ZNF558: variants seen among roughly 807,000 people sequenced by gnomAD.
The protein encoded by ZNF558 is zinc finger protein 558.
In ZNF558, 23 loss-of-function variants were observed where a neutral mutation model predicts 37.6. The ratio of observed to expected loss-of-function variants is 0.61; its 90% CI spans 0.44 to 0.87. The LOEUF (loss-of-function observed/expected upper bound fraction) is 0.87, where lower values mean the gene tolerates loss of function less well. Among genes scored for constraint, ZNF558 ranks in the 40% least tolerant of loss-of-function variants. The pLI is 0.00. For missense variants in ZNF558, 429 were observed against 483.7 expected, an observed-to-expected ratio of 0.89 and a Z score of 1.06; for synonymous variants, 189 against 174.4, an observed-to-expected ratio of 1.08 and a Z score of -0.66.
At chr19:8,825,274 C>G (rs916391958) in intron 2 of ZNF558, among the ~76,000 whole-genome samples, 166 bp from the exon 3 acceptor site, 4 of 152,220 alleles carry the variant, frequency 2.6e-5, no homozygotes, top group Non-Finnish European at 5.9e-5. Flanking sequence ...GAAAACACCA[C>G]AAGTGACCAT....
Position 8,822,637 on chromosome 19 carries a change from G to A in ZNF558, c.23C>T (p.Ser8Leu), listed in dbSNP as rs763327803. The A allele has an allele frequency of 5.0e-6, 8 of 1,614,064 alleles. No homozygotes were observed. The East Asian group carries it at 6.7e-5, about 13-fold the overall frequency. Residue 8 changes from serine (S) to leucine (L), a missense_variant, in exon 5 of 10, where the codon TCG (serine) becomes TTG (leucine). Ser to Leu is a moderately radical substitution (Grantham distance 145). Coordinates refer to ENST00000601372, the MANE Select transcript of ZNF558 (RefSeq NM_144693.3). This position sits in a 1 kb window ranked among gnomAD's most constrained non-coding sequence, Gnocchi z 4.4. ...AGGACCCCACGACTCACCAGCAGTC[G>A]AGGGCAGGATGACAGCCGCCATCCT... MAAVILP[S>L]TAAPSSLFPA...
intron 7 of ZNF558, among the ~76,000 whole-genome samples, chr19:8,815,477 T>TCTGAGGAGCAGA (rs1386718769): frequency 3.3e-5 from 5 of 151,806 alleles, no homozygotes; most frequent in African/African-American, 1.2e-4. Context: ...TATTATCCAG[T>TCTGAGGAGCAGA]CTGAGGAGCA....
rs541462574 is a variant in ZNF558 at position 8,818,692 on chromosome 19, T to G, written c.247+2488A>C. On this transcript the variant is annotated intron_variant, in intron 7 of 9. Transcript: ENST00000601372. ...ACTGTTATCAAAACTTACTACAATG[T>G]AACAATAATCAAGGCATTGTGGTAC... 6.6e-5 allele frequency among the ~76,000 whole-genome samples: 10 copies of G among 152,276 alleles called. No individual in the cohort carries two copies. The East Asian group carries it at 1.9e-3, about 29-fold the overall frequency.
Position 8,822,631 on chromosome 19 carries a change from G to C in ZNF558, c.29C>G (p.Ala10Gly). 1 of 1,614,080 alleles carries C rather than the reference G, an allele frequency of 6.2e-7. No individual in the cohort carries two copies. The part of the protein sequence containing the change: MAAVILPST[A>G]APSSLFPASQ... Reference sequence around the variant, plus strand: ...AATGTCAGGACCCCACGACTCACCAGCAGTCGAGGGCAGGATGACAGCCGC... The same window carrying C: ...AATGTCAGGACCCCACGACTCACCACCAGTCGAGGGCAGGATGACAGCCGC... Residue 10 changes from alanine (A) to glycine (G), a missense_variant and splice_region_variant, in exon 5 of 10, where the codon GCT (alanine) becomes GGT (glycine). Coordinates refer to ENST00000601372, the MANE Select transcript of ZNF558 (RefSeq NM_144693.3). This position sits in a 1 kb window ranked among gnomAD's most constrained non-coding sequence, Gnocchi z 4.4.
chr19:8,820,755 T>G (rs1410306228), intron 7 of ZNF558, among the ~76,000 whole-genome samples: 2 of 152,112 alleles, frequency 1.3e-5, no homozygotes, highest in African/African-American at 4.8e-5. Context: ...GGATTACAGG[T>G]GTGAGCCACC....
At chr19:8,831,439 G>A (rs2044352112) in intron 1 of ZNF558, 38 bp from the exon 2 acceptor site, 1 of 151,796 alleles carries the variant, frequency 6.6e-6, no homozygotes, top group South Asian at 2.1e-4. Context: ...TTCTTTCGAG[G>A]CTTTGTATAG....
chr19:8,814,696 G>T (rs1164684741), intron 7 of ZNF558, among the ~76,000 whole-genome samples: 2 of 152,110 alleles, frequency 1.3e-5, no homozygotes, highest in South Asian at 4.1e-4. Flanking sequence ...AGTATTAAAG[G>T]CATGTCCCTA....
At chr19:8,821,103 A>C (rs2044075433) in intron 7 of ZNF558, 77 bp downstream of exon 7, 2 of 1,553,754 alleles carry the variant, frequency 1.3e-6, no homozygotes, top group African/African-American at 2.7e-5. Flanking sequence ...ATTTTACCAC[A>C]ATAAAAAAAG....
At chr19:8,825,365 G>A (rs1039995383) in intron 2 of ZNF558, among the ~76,000 whole-genome samples, 8 of 151,936 alleles carry the variant, frequency 5.3e-5, no homozygotes, top group African/African-American at 1.5e-4. Context: ...CATTACTTTC[G>A]ATGGCAAAAC....
In ZNF558 at chr19:8,811,533, G is replaced by A. The variant is rs1200193887; in HGVS notation, c.957C>T (p.Pro319=). Residue 319 remains proline, a synonymous_variant, in exon 10 of 10, where the codon CCC becomes CCT. Transcript: ENST00000601372. Reference sequence around the variant, plus strand: ...ATTTCCCACACTCGTTACATTCATAGGGTTTTTCTCCAGTATGAGTTCTTA... The same window carrying A: ...ATTTCCCACACTCGTTACATTCATAAGGTTTTTCTCCAGTATGAGTTCTTA... ...QHVRTHTGEK[P]YECNECGKSF... The A allele has an allele frequency of 6.2e-7, 1 of 1,614,064 alleles. No homozygotes were observed. Among genetic ancestry groups the A allele is most frequent in the Non-Finnish European group, 8.5e-7 (1 of 1,180,020 alleles).
Position 8,811,657 on chromosome 19 carries a change from G to A in ZNF558, c.833C>T (p.Ser278Phe), listed in dbSNP as rs782779029. Reference protein sequence around the residue: ...QCGKAFSTRSSLTGHNSIHTG... With the variant: ...QCGKAFSTRSFLTGHNSIHTG... ...ATGAATGCTATTGTGCCCAGTGAGA[G>A]AGGACCTTGTGCTGAAAGCTTTTCC... Residue 278 changes from serine (S) to phenylalanine (F), a missense_variant, in exon 10 of 10, where the codon TCT becomes TTT. Physicochemically the swap from Ser to Phe is radical, Grantham distance 155. Transcript: ENST00000601372. 1.9e-6 allele frequency: 3 copies of A among 1,614,060 alleles called. No individual in the cohort carries two copies. The highest frequency in any genetic ancestry group is 2.2e-5 in the South Asian group (2 of 91,088).
rs963189522 is a variant in ZNF558, at chr19:8,808,025, G to C, written c.*3256C>G. The C allele has an allele frequency of 6.6e-6, 1 of 152,182 alleles. No homozygotes were observed. The highest frequency in any genetic ancestry group is 1.5e-5 in the Non-Finnish European group (1 of 68,046). The allele number at this position is 152,182 out of a possible 1,614,324, so 9.4% of individuals were successfully genotyped here. On this transcript the variant is annotated 3_prime_UTR_variant, in exon 10 of 10. Transcript: ENST00000601372. ...CATACTTAAGTTTATAATGCATACT[G>C]AGTTAATACTTATATGTCATTTAGA...
chr19:8,812,814 T>C (rs2043829532), intron 8 of ZNF558, among the ~76,000 whole-genome samples, 171 bp from the exon 9 acceptor site: 1 of 152,120 alleles, frequency 6.6e-6, no homozygotes, highest in South Asian at 2.1e-4. Context: ...CTAGACAAAT[T>C]GAGATTGATC....
rs1555766906 is a variant in ZNF558, at chr19:8,809,431, CAT to C, written c.*1848_*1849del. The C allele has an allele frequency of 1.3e-5, 2 of 152,154 alleles. No homozygotes were observed. Among genetic ancestry groups the C allele is most frequent in the Non-Finnish European group, 2.9e-5 (2 of 68,020 alleles). 9.4% of individuals were successfully genotyped at this position (152,154 alleles called of 1,614,324 possible). Reference sequence around the variant, plus strand: ...TATTGTTCACAGACAACTTGAACAACATGTTTGTTTCTTTAAACGAATAAACT... The same window carrying C: ...TATTGTTCACAGACAACTTGAACAACGTTTGTTTCTTTAAACGAATAAACT... On this transcript the variant is annotated 3_prime_UTR_variant, in exon 10 of 10. Transcript: ENST00000601372.
chr19:8,809,023 C>T lies in ZNF558; in HGVS notation c.*2258G>A, dbSNP rs597178. 27,052 of 152,154 alleles carry T rather than the reference C, an allele frequency of 0.18. 2,840 individuals carry two copies. The highest frequency in any genetic ancestry group is 0.3 in the African/African-American group (12,272 of 41,450). The allele number at this position is 152,154 out of a possible 1,614,324, so 9.4% of individuals were successfully genotyped here. On this transcript the variant is annotated 3_prime_UTR_variant, in exon 10 of 10. Coordinates refer to ENST00000601372, the MANE Select transcript of ZNF558 (RefSeq NM_144693.3). ...TCAATCTGTTGACCTCATGATCCAC[C>T]CACCTCAGCCTCTCAAAAGTGCTGG...
chr19:8,830,400 C>T (rs2044322713), intron 2 of ZNF558, among the ~76,000 whole-genome samples: 1 of 152,088 alleles, frequency 6.6e-6, no homozygotes, highest in South Asian at 2.1e-4. Context: ...GAAACCAGTT[C>T]CCTACCCTTC....
chr19:8,821,626 T>G (rs1716415879), intron 6 of ZNF558: 2 of 1,325,712 alleles, frequency 1.5e-6, no homozygotes, highest in African/African-American at 3.0e-5. Flanking sequence ...GTGATCTTAT[T>G]TCCCTCAATC....
rs1205401425 is a variant in ZNF558, at chr19:8,822,241, C to T, written c.32-150G>A. 2.1e-6 allele frequency: 2 copies of T among 937,568 alleles called. No individual in the cohort carries two copies. Among genetic ancestry groups the T allele is most frequent in the South Asian group, 1.7e-5 (1 of 58,750 alleles). The allele number at this position is 937,568 out of a possible 1,614,324, so 58.1% of individuals were successfully genotyped here. ...TCCATGCAAACACCTACCCACAGCT[C>T]TCCTAAGATACCCAAACACAGCCCT... On this transcript the variant is annotated intron_variant, in intron 5 of 9. Transcript: ENST00000601372. This position sits in a 1 kb window ranked among gnomAD's most constrained non-coding sequence, Gnocchi z 4.4.
At chr19:8,812,339 G>A (rs1247230305) in intron 9 of ZNF558, among the ~76,000 whole-genome samples, 2 of 152,176 alleles carry the variant, frequency 1.3e-5, no homozygotes, top group Non-Finnish European at 1.5e-5. Flanking sequence ...GCCACAGATA[G>A]GAAATATTTA....
Sources: allele counts gnomAD v4.1 joint callset (sites outside exome capture counted in the v4.1 genomes callset), GRCh38; gene constraint gnomAD v4.1.1; non-coding constraint Gnocchi (gnomAD v3.1); transcripts MANE v1.5; gene names NCBI Gene and HGNC (gene_info 2026-07-23, HGNC 2026-07-21).